GPR176: variants seen among roughly 807,000 people sequenced by gnomAD.
GPR176 encodes G protein-coupled receptor 176, also known as G-protein coupled receptor 176.
GPR176 carries 26 observed loss-of-function variants against 35.4 expected under a neutral mutation model. The observed-to-expected ratio is 0.74, with a 90% CI of 0.54 to 1.02. The LOEUF (loss-of-function observed/expected upper bound fraction) is 1.02. Ranked by LOEUF, GPR176 falls within the 50% of genes least tolerant of loss-of-function variation. The pLI is 0.00. For synonymous variants in GPR176, 278 were observed against 271.3 expected (o/e 1.02, Z -0.24); for missense variants, 597 against 665.3 (o/e 0.90, Z 1.13).
intron 1 of GPR176, among the ~76,000 whole-genome samples, chr15:39,858,333 A>G (rs1383297996): frequency 6.6e-6 from 1 of 152,240 alleles, no homozygotes; most frequent in Non-Finnish European, 1.5e-5. Flanking sequence ...GAATTTGTGG[A>G]ATCCCTGAGG....
Position 39,919,878 on chromosome 15 carries a change from A to T in GPR176, c.149T>A (p.Val50Asp). 6.8e-7 allele frequency: 1 copy of T among 1,476,826 alleles called. No homozygotes were observed. Among genetic ancestry groups the T allele is most frequent in the Non-Finnish European group, 9.0e-7 (1 of 1,115,502 alleles). The allele number at this position is 1,476,826 out of a possible 1,614,324, so 91.5% of individuals were successfully genotyped here. A position where few individuals can be genotyped will look rare whatever the true frequency, so the allele number is the denominator to read the frequency against. Reference sequence around the variant, plus strand: ...ACCGAGCAGCGAGCCTATGAAGATGACGACCTGCACGGTGGTGGTGAACTG... The same window carrying T: ...ACCGAGCAGCGAGCCTATGAAGATGTCGACCTGCACGGTGGTGGTGAACTG... ...YRQFTTTVQV[V>D]IFIGSLLGNF... Residue 50 changes from valine (V) to aspartate (D), a missense_variant, in exon 1 of 3, where the codon GTC becomes GAC. Physicochemically the swap from Val to Asp is radical, Grantham distance 152. Transcript: ENST00000561100.
chr15:39,801,597 G>A lies in GPR176; in HGVS notation c.1083C>T (p.Pro361=). 6.2e-7 allele frequency: 1 copy of A among 1,613,998 alleles called. No homozygotes were observed. Among genetic ancestry groups the A allele is most frequent in the Non-Finnish European group, 8.5e-7 (1 of 1,179,876 alleles). The change falls in exon 3 of 3, where the codon CCC becomes CCT. Residue 361 remains proline (P), a synonymous_variant. Coordinates refer to ENST00000561100, the MANE Select transcript of GPR176 (RefSeq NM_007223.3). ...GSGMAEASLE[P]SIRSGSQLLE... is the part of the protein sequence containing the mutation. The stretch of plus-strand genomic sequence containing the variant: ...GGAGCTGGCTACCCGAGCGTATGCT[G>A]GGTTCCAGGCTGGCCTCAGCCATGC...
chr15:39,824,627 G>A (rs1473154818), intron 1 of GPR176, among the ~76,000 whole-genome samples: 1 of 152,220 alleles, frequency 6.6e-6, no homozygotes, highest in Non-Finnish European at 1.5e-5. Context: ...TAGCCCCAAT[G>A]CCTAGAACAG....
At chr15:39,807,405 C>G in intron 1 of GPR176, 147 bp from the exon 2 acceptor site, 1 of 722,224 alleles carries the variant, frequency 1.4e-6, no homozygotes, top group East Asian at 2.9e-5. Context: ...TAAAATTTAA[C>G]ATATATGATA....
chr15:39,826,074 G>A (rs1162857290), intron 1 of GPR176, among the ~76,000 whole-genome samples: 8 of 152,122 alleles, frequency 5.3e-5, no homozygotes, highest in African/African-American at 1.9e-4. Flanking sequence ...AAGAGGGTGT[G>A]AGCACGCACT....
At chr15:39,832,654 A>AACACAC (rs112693906) in intron 1 of GPR176, among the ~76,000 whole-genome samples, 10,069 of 145,122 alleles carry the variant, frequency 0.069, 442 homozygotes, top group Non-Finnish European at 0.093. Context: ...TGATGAGCTA[A>AACACAC]ACACACACAC....
At chr15:39,918,947 C>T (rs924254939) in intron 1 of GPR176, among the ~76,000 whole-genome samples, 10 of 152,200 alleles carry the variant, frequency 6.6e-5, no homozygotes, top group Non-Finnish European at 1.2e-4. Flanking sequence ...AACACCACAT[C>T]CTTATAAACG....
chr15:39,894,996 A>G (rs1000139625), intron 1 of GPR176, among the ~76,000 whole-genome samples: 1 of 152,220 alleles, frequency 6.6e-6, no homozygotes, highest in East Asian at 1.9e-4. Flanking sequence ...CGGGAGGCCG[A>G]GGCTGGCGGA....
chr15:39,859,961 GT>G (rs1286844112), intron 1 of GPR176, among the ~76,000 whole-genome samples: 1 of 144,076 alleles, frequency 6.9e-6, no homozygotes, highest in Non-Finnish European at 1.5e-5. Context: ...TGTGGCATGT[GT>G]TTTTTTTGCC....
At chr15:39,854,862 C>A (rs145368549) in intron 1 of GPR176, among the ~76,000 whole-genome samples, 2 of 152,104 alleles carry the variant, frequency 1.3e-5, no homozygotes, top group East Asian at 3.9e-4. Flanking sequence ...CATAGTAAGA[C>A]ATCCCCCCAC....
At chr15:39,918,090 A>T (rs2140883737) in intron 1 of GPR176, among the ~76,000 whole-genome samples, 1 of 151,246 alleles carries the variant, frequency 6.6e-6, no homozygotes, top group Admixed American at 6.6e-5. Context: ...CAGGCACCAT[A>T]GATCAAGAGG....
Position 39,800,595 on chromosome 15 carries a change from A to C in GPR176, c.*537T>G, listed in dbSNP as rs1305870050. 1 of 155,750 alleles carries C rather than the reference A, an allele frequency of 6.4e-6. No homozygotes were observed. Among genetic ancestry groups the C allele is most frequent in the Non-Finnish European group, 1.4e-5 (1 of 70,184 alleles). 9.6% of individuals were successfully genotyped at this position (155,750 alleles called of 1,614,324 possible). ...ACGAAGGGTATCAGGAGAAACAGTG[A>C]GTCATATGACTGGGGCTTCCAGAGA... On this transcript the variant is annotated 3_prime_UTR_variant, in exon 3 of 3. Coordinates refer to ENST00000561100, the MANE Select transcript of GPR176 (RefSeq NM_007223.3).
chr15:39,848,587 T>C (rs1271308438), intron 1 of GPR176, among the ~76,000 whole-genome samples: 1 of 152,108 alleles, frequency 6.6e-6, no homozygotes, highest in African/African-American at 2.4e-5. Context: ...TAATACATTT[T>C]TAAAAATTGA....
intron 1 of GPR176, among the ~76,000 whole-genome samples, chr15:39,834,056 C>T (rs992482850): frequency 4.6e-5 from 7 of 152,116 alleles, no homozygotes; most frequent in African/African-American, 1.4e-4. Flanking sequence ...ATTAATTCTC[C>T]GCAGATATTA....
chr15:39,846,720 T>C (rs182939085), intron 1 of GPR176, among the ~76,000 whole-genome samples: 414 of 152,236 alleles, frequency 2.7e-3, no homozygotes, highest in African/African-American at 9.1e-3. Flanking sequence ...CAAGCCAGAA[T>C]TGAATATCCA....
At chr15:39,864,139 A>T (rs995517029) in intron 1 of GPR176, among the ~76,000 whole-genome samples, 1 of 152,200 alleles carries the variant, frequency 6.6e-6, no homozygotes, top group Admixed American at 6.5e-5. Context: ...TTCCTACCAG[A>T]TGCTGCCTGA....
At chr15:39,811,803 C>A (rs1899578838) in intron 1 of GPR176, among the ~76,000 whole-genome samples, 1 of 151,966 alleles carries the variant, frequency 6.6e-6, no homozygotes, top group Non-Finnish European at 1.5e-5. Context: ...GTAGTCCCAG[C>A]TACTCAGCAG....
At chr15:39,897,969 C>A (rs1214792331) in intron 1 of GPR176, among the ~76,000 whole-genome samples, 1 of 152,156 alleles carries the variant, frequency 6.6e-6, no homozygotes, top group Non-Finnish European at 1.5e-5. Context: ...CAGCAAGTGA[C>A]CCTATCTGTC....
In GPR176 at chr15:39,801,133, T is replaced by G; in HGVS notation, c.1547A>C (p.Ter516SerextTer4). The G allele has an allele frequency of 3.8e-6, 6 of 1,589,704 alleles. No individual in the cohort carries two copies. The highest frequency in any genetic ancestry group is 5.1e-6 in the Non-Finnish European group (6 of 1,166,058). The change falls in exon 3 of 3, where the codon TAG (stop) becomes TCG (serine). Residue 516 changes from the stop codon to serine (S), a stop_lost. Transcript: ENST00000561100. ...KVSIFPKVDS[*>S] ...GCTTCCAAGAATTTACAATCCTTGC[T>G]AGGAATCCACCTTTGGAAAAATGCT...
Sources: gnomAD v4.1 joint callset for allele counts (sites outside exome capture counted in the v4.1 genomes callset) on GRCh38, gnomAD v4.1.1 for gene constraint, MANE v1.5 for transcripts, NCBI Gene and HGNC (gene_info 2026-07-23, HGNC 2026-07-21) for gene names.